CDH12: variants seen among roughly 807,000 people sequenced by gnomAD.
The protein encoded by CDH12 is cadherin 12, also known as cadherin-12.
A neutral mutation model predicts 74.1 loss-of-function variants in CDH12; 41 were observed. The observed-to-expected ratio is 0.55, with a 90% CI of 0.43 to 0.72. The LOEUF (loss-of-function observed/expected upper bound fraction) is 0.72. Among genes scored for constraint, CDH12 ranks in the 30% least tolerant of loss-of-function variants. The pLI is 0.00. For missense variants in CDH12, 945 were observed against 977.2 expected (o/e 0.97, Z 0.44); for synonymous variants, 399 against 355.0 (o/e 1.12, Z -1.39).
chr5:21,967,473 A>T (rs1444863252), intron 6 of CDH12, among the ~76,000 whole-genome samples: 1 of 152,296 alleles, frequency 6.6e-6, no homozygotes, highest in African/African-American at 2.4e-5. Flanking sequence ...ATACTTTGCA[A>T]ATATGTTTAA....
chr5:22,710,217 A>C (rs1423909930), intron 1 of CDH12, among the ~76,000 whole-genome samples: 1 of 152,238 alleles, frequency 6.6e-6, no homozygotes, highest in Non-Finnish European at 1.5e-5. Flanking sequence ...AGTGACCAAC[A>C]GGTACCTCAA....
intron 1 of CDH12, among the ~76,000 whole-genome samples, chr5:22,523,568 T>C (rs1192266301): frequency 6.6e-6 from 1 of 152,218 alleles, no homozygotes; most frequent in African/African-American, 2.4e-5. Flanking sequence ...CCGTTATTTA[T>C]AGTCAGTGTC....
At chr5:22,151,492 C>T (rs1441523803) in intron 4 of CDH12, among the ~76,000 whole-genome samples, 1 of 152,048 alleles carries the variant, frequency 6.6e-6, no homozygotes, top group Non-Finnish European at 1.5e-5. Context: ...CTGCTGAAAT[C>T]CTTCCTCAAG....
At chr5:22,280,868 T>A (rs1736847891) in intron 3 of CDH12, among the ~76,000 whole-genome samples, 1 of 152,172 alleles carries the variant, frequency 6.6e-6, no homozygotes, top group African/African-American at 2.4e-5. Flanking sequence ...CCCTAACTCA[T>A]TTTATGAGGC....
At chr5:21,835,367 G>GTATA (rs111979736) in intron 8 of CDH12, among the ~76,000 whole-genome samples, 26 of 148,888 alleles carry the variant, frequency 1.7e-4, no homozygotes, top group African/African-American at 6.4e-4. Context: ...GTATGTGTGT[G>GTATA]TATATATATA....
chr5:22,535,546 C>T (rs1737808190), intron 1 of CDH12, among the ~76,000 whole-genome samples: 1 of 152,096 alleles, frequency 6.6e-6, no homozygotes, highest in Admixed American at 6.6e-5. Flanking sequence ...AGATTCAAAG[C>T]ATGTATTCTT....
At chr5:21,985,483 C>T (rs970895381) in intron 5 of CDH12, among the ~76,000 whole-genome samples, 1 of 151,812 alleles carries the variant, frequency 6.6e-6, no homozygotes, top group South Asian at 2.1e-4. Context: ...GTGGTAAGAC[C>T]CATTACCATT....
chr5:22,478,185 G>A lies in CDH12; in HGVS notation c.-428+27085C>T, dbSNP rs548909962. 1.3e-3 allele frequency among the ~76,000 whole-genome samples: 191 copies of A among 152,118 alleles called. 6 individuals are homozygous for A. In the East Asian group the frequency reaches 0.037, roughly 29 times the overall value. On this transcript the variant is annotated intron_variant, in intron 2 of 14. Transcript: ENST00000382254. ...TGTAATCCCAGCACTTTGGGAGGCCGAGGCGGGTGGATCATGAGGTCAGGA... is the reference window on the plus strand; with the variant it reads ...TGTAATCCCAGCACTTTGGGAGGCCAAGGCGGGTGGATCATGAGGTCAGGA...
intron 5 of CDH12, among the ~76,000 whole-genome samples, chr5:21,996,524 C>T (rs1351464223): frequency 6.6e-6 from 1 of 152,122 alleles, no homozygotes; most frequent in African/African-American, 2.4e-5. Context: ...CCAATATCTT[C>T]CATAGAGCAA....
chr5:21,902,972 A>T (rs1753469115), intron 6 of CDH12, among the ~76,000 whole-genome samples: 1 of 152,150 alleles, frequency 6.6e-6, no homozygotes, highest in South Asian at 2.1e-4. Context: ...TATGTCATAA[A>T]TTTTACAATT....
At chr5:22,795,742 G>A (rs916680753) in intron 1 of CDH12, among the ~76,000 whole-genome samples, 1 of 151,744 alleles carries the variant, frequency 6.6e-6, no homozygotes, top group Admixed American at 6.6e-5. Context: ...GCAAAGGCTA[G>A]TGAGATCAAC....
At chr5:22,176,465 T>C (rs1417462053) in intron 4 of CDH12, among the ~76,000 whole-genome samples, 1 of 152,038 alleles carries the variant, frequency 6.6e-6, no homozygotes, top group Non-Finnish European at 1.5e-5. Flanking sequence ...TCTATTTTGC[T>C]TTCTTCCTGC....
chr5:22,596,890 T>C lies in CDH12; in HGVS notation c.-522-91526A>G, dbSNP rs144293348. 1.2e-3 allele frequency among the ~76,000 whole-genome samples: 181 copies of C among 152,316 alleles called. 3 individuals carry two copies. The Middle Eastern group carries it at 0.027, about 23-fold the overall frequency. On this transcript the variant is annotated intron_variant, in intron 1 of 14. Transcript: ENST00000382254. ...TTTCAGTTGACAAGAGTTATCTGCT[T>C]ATTGCAAAACTTTGGTACAATTAAA... is the stretch of plus-strand genomic sequence containing the variant.
At chr5:22,089,501 AAT>A (rs1353871424) in intron 4 of CDH12, among the ~76,000 whole-genome samples, 1 of 152,218 alleles carries the variant, frequency 6.6e-6, no homozygotes, top group Non-Finnish European at 1.5e-5. Flanking sequence ...GACAGTTGAT[AAT>A]ATCTCATCAA....
At chr5:22,291,972 T>C (rs1737405794) in intron 3 of CDH12, among the ~76,000 whole-genome samples, 1 of 152,114 alleles carries the variant, frequency 6.6e-6, no homozygotes, top group East Asian at 1.9e-4. Context: ...GCTACTGTTG[T>C]AAACAAAACA....
intron 1 of CDH12, among the ~76,000 whole-genome samples, chr5:22,807,624 A>G (rs1561045493): frequency 6.6e-6 from 1 of 152,236 alleles, no homozygotes; most frequent in East Asian, 1.9e-4. Context: ...TACCTAGGCT[A>G]TGTGTTACAG....
At chr5:22,133,894 T>A (rs557870047) in intron 4 of CDH12, among the ~76,000 whole-genome samples, 44 of 152,212 alleles carry the variant, frequency 2.9e-4, no homozygotes, top group Non-Finnish European at 5.0e-4. Flanking sequence ...TTTCGGTTAT[T>A]CTTATCCACA....
chr5:22,739,361 A>G (rs987928387), intron 1 of CDH12, among the ~76,000 whole-genome samples: 3 of 151,882 alleles, frequency 2.0e-5, no homozygotes, highest in East Asian at 3.9e-4. Context: ...CACTCACAAT[A>G]CTACGTAAAA....
At chr5:22,318,858 T>A (rs1204648918) in intron 3 of CDH12, among the ~76,000 whole-genome samples, 1 of 152,186 alleles carries the variant, frequency 6.6e-6, no homozygotes, top group African/African-American at 2.4e-5. Flanking sequence ...AACCCGATCA[T>A]TAAAATATGC....
Sources: gnomAD v4.1 joint callset for allele counts (sites outside exome capture counted in the v4.1 genomes callset) on GRCh38, gnomAD v4.1.1 for gene constraint, MANE v1.5 for transcripts, NCBI Gene and HGNC (gene_info 2026-07-23, HGNC 2026-07-21) for gene names.